The following SPTLC1 variants were observed in gnomAD, a reference collection of about 807,000 sequenced individuals.
The protein encoded by SPTLC1 is serine palmitoyltransferase long chain base subunit 1.
Under a neutral mutation model 68.9 loss-of-function variants are expected in SPTLC1, and 55 were observed. That is an observed-to-expected ratio of 0.80 (90% CI 0.64 to 1.00). The LOEUF is 1.00. Ranked by LOEUF, SPTLC1 falls within the 50% of genes least tolerant of loss-of-function variation. The pLI is 0.00. For synonymous variants in SPTLC1, 197 were observed against 201.6 expected, an observed-to-expected ratio of 0.98 and a Z score of 0.19; for missense variants, 449 against 573.1, an observed-to-expected ratio of 0.78 and a Z score of 2.21.
At chr9:92,070,008 G>C (rs1223091522) in intron 5 of SPTLC1, 1 of 152,176 alleles carries the variant, frequency 6.6e-6, no homozygotes, top group African/African-American at 2.4e-5. Context: ...GAGTTACCCA[G>C]TTGATGAAAA....
Position 92,068,015 on chromosome 9 carries a change from T to C in SPTLC1, c.511A>G (p.Ile171Val). 1 of 1,614,126 alleles carries C rather than the reference T, an allele frequency of 6.2e-7. No individual in the cohort carries two copies. Among genetic ancestry groups the C allele is most frequent in the Non-Finnish European group, 8.5e-7 (1 of 1,180,006 alleles). Residue 171 changes from isoleucine to valine, a missense_variant, in exon 6 of 15, where the codon ATA becomes GTA. By Grantham distance (29) the Ile-to-Val change is conservative (BLOSUM62 3). This residue lies in a region of SPTLC1 where 391 missense variants were observed against 472.1 expected (regional missense o/e 0.83). Coordinates refer to ENST00000262554, the MANE Select transcript of SPTLC1 (RefSeq NM_006415.4). ...GAGTAAGCAGGAATAGCACTGGCTA[T>C]GGTGGCAAATCCATATGAGTATATA... Reference protein sequence around the residue: ...AIIYSYGFATIASAIPAYSKR... With the variant: ...AIIYSYGFATVASAIPAYSKR...
chr9:92,079,393 A>G (rs1834798052), intron 5 of SPTLC1: 1 of 1,475,670 alleles, frequency 6.8e-7, no homozygotes, highest in Admixed American at 2.3e-5. Flanking sequence ...TTATTTAATA[A>G]CATTTTCAGG....
At chr9:92,034,715 C>T (rs1266490681) in intron 14 of SPTLC1, 95 bp downstream of exon 14, 3 of 938,390 alleles carry the variant, frequency 3.2e-6, no homozygotes, top group Admixed American at 1.7e-5. Context: ...CTTCCATAGC[C>T]TATGATAGTC....
chr9:92,071,318 TG>T (rs1834480734), intron 5 of SPTLC1, among the ~76,000 whole-genome samples: 1 of 151,862 alleles, frequency 6.6e-6, no homozygotes, highest in African/African-American at 2.4e-5. Flanking sequence ...GAGAATCGCC[TG>T]AACCCAGGAG....
At position 92,038,270 on chromosome 9, in the gene SPTLC1, A is replaced by T. The variant is rs753412688; in HGVS notation, c.1232T>A (p.Leu411Gln). 5.0e-6 allele frequency: 8 copies of T among 1,613,808 alleles called. No homozygotes were observed. The South Asian group carries it at 8.8e-5, about 18-fold the overall frequency. ...TACTTGATCTACAATTTCCTGAAGC[A>T]GTCTGACATCTTGCTCGCGAGACCC... Reference protein sequence around the residue: ...STGSREQDVRLLQEIVDQCMN... With the variant: ...STGSREQDVRQLQEIVDQCMN... Residue 411 changes from leucine to glutamine, a missense_variant, in exon 13 of 15, where the codon CTG (leucine) becomes CAG (glutamine). Physicochemically the swap from Leu to Gln is moderately radical, Grantham distance 113. Around this residue, in one of 3 missense-constraint regions of SPTLC1, gnomAD observed 391 missense variants for 472.1 expected, o/e 0.83. Coordinates refer to ENST00000262554, the MANE Select transcript of SPTLC1 (RefSeq NM_006415.4).
chr9:92,034,445 C>T (rs1833073001), intron 14 of SPTLC1, among the ~76,000 whole-genome samples: 2 of 152,168 alleles, frequency 1.3e-5, no homozygotes, highest in African/African-American at 2.4e-5. Flanking sequence ...CCCACCCCCA[C>T]CCCACACTGC....
intron 6 of SPTLC1, among the ~76,000 whole-genome samples, chr9:92,063,481 T>C (rs575077722): frequency 2.6e-5 from 4 of 152,208 alleles, no homozygotes; most frequent in Admixed American, 6.6e-5. Flanking sequence ...CTCCACAAAA[T>C]AGAAGATAGA....
rs564171664 is a variant in SPTLC1 at position 92,079,587 on chromosome 9, ACT to A, written c.427+427_427+428del. ...TCATTCTAGAAAGATAAAAAACTAC[ACT>A]GTTTATCCCCCCTCCCTCCACCCCA... is the stretch of plus-strand genomic sequence containing the variant. On this transcript the variant is annotated intron_variant, in intron 5 of 14. Coordinates refer to ENST00000262554, the MANE Select transcript of SPTLC1 (RefSeq NM_006415.4). The A allele has an allele frequency of 4.1e-4, 658 of 1,592,376 alleles. 5 individuals carry two copies. In the South Asian group the frequency reaches 7.0e-3, roughly 17 times the overall value.
intron 3 of SPTLC1, chr9:92,108,533 A>G (rs1435045854): frequency 1.6e-6 from 1 of 609,106 alleles, no homozygotes; most frequent in Middle Eastern, 5.0e-4. Flanking sequence ...AAGGGCAAAC[A>G]TTAATGCTTA....
rs1411908926 is a variant in SPTLC1 at position 92,032,246 on chromosome 9, A to T, written c.*219T>A. 4 of 1,508,706 alleles carry T rather than the reference A, an allele frequency of 2.7e-6. No homozygotes were observed. Among genetic ancestry groups the T allele is most frequent in the Non-Finnish European group, 2.6e-6 (3 of 1,132,730 alleles). 93.5% of individuals were successfully genotyped at this position (1,508,706 alleles called of 1,614,324 possible). A position where few individuals can be genotyped will look rare whatever the true frequency, so the allele number is the denominator to read the frequency against. On this transcript the variant is annotated 3_prime_UTR_variant, in exon 15 of 15. Transcript: ENST00000262554. The stretch of plus-strand genomic sequence containing the variant: ...ATACACTGTCATTAGTTTTCCTCTT[A>T]AAAAAATCAGTTCCTGGGCTTTTAG...
intron 5 of SPTLC1, 114 bp downstream of exon 5, chr9:92,079,902 A>T: frequency 4.5e-6 from 4 of 884,700 alleles, no homozygotes; most frequent in Non-Finnish European, 7.6e-6. Context: ...GAATCCTCCC[A>T]CCTCAGCCTC....
chr9:92,108,960 A>G (rs1836117155), intron 2 of SPTLC1, 126 bp from the exon 3 acceptor site: 1 of 1,419,986 alleles, frequency 7.0e-7, no homozygotes, highest in Non-Finnish European at 9.6e-7. Flanking sequence ...TGTCACTCTT[A>G]TTCAAGCTTA....
intron 5 of SPTLC1, among the ~76,000 whole-genome samples, chr9:92,071,025 C>T (rs546646926): frequency 2.0e-5 from 3 of 151,658 alleles, no homozygotes; most frequent in East Asian, 1.9e-4. Context: ...GACTTTAGGA[C>T]GTTTAGAAAC....
At chr9:92,034,343 T>C (rs1485251677) in intron 14 of SPTLC1, among the ~76,000 whole-genome samples, 5 of 152,242 alleles carry the variant, frequency 3.3e-5, no homozygotes, top group Admixed American at 1.3e-4. Context: ...TTTTGGTGTT[T>C]TTTCTTGATG....
intron 6 of SPTLC1, among the ~76,000 whole-genome samples, chr9:92,064,595 A>G (rs1834217886): frequency 2.0e-5 from 3 of 152,252 alleles, no homozygotes; most frequent in Admixed American, 6.5e-5. Flanking sequence ...TAGCAACTGC[A>G]TTCCTTGGCA....
chr9:92,112,340 TA>T (rs1836278430), intron 2 of SPTLC1, 114 bp downstream of exon 2: 2 of 736,202 alleles, frequency 2.7e-6, no homozygotes, highest in Non-Finnish European at 4.7e-6. Context: ...TTGATTTCCT[TA>T]CATTACAGAA....
intron 5 of SPTLC1, 96 bp from the exon 6 acceptor site, chr9:92,068,194 A>G: frequency 3.2e-6 from 4 of 1,254,140 alleles, no homozygotes; most frequent in East Asian, 2.5e-5. Context: ...ATAATTATCA[A>G]TACTTTCACC....
chr9:92,056,617 A>C (rs1229945317), intron 7 of SPTLC1, among the ~76,000 whole-genome samples: 1 of 152,206 alleles, frequency 6.6e-6, no homozygotes, highest in Non-Finnish European at 1.5e-5. Context: ...TACATGGTTC[A>C]GGTGTGTGGG....
In SPTLC1 at chr9:92,052,598, C is replaced by T. The variant is rs562168613; in HGVS notation, c.781-2531G>A. 5.9e-5 allele frequency among the ~76,000 whole-genome samples: 9 copies of T among 151,470 alleles called. No individual in the cohort carries two copies. In the South Asian group the frequency reaches 1.0e-3, roughly 18 times the overall value. ...AGGCTGGAGTGCACTGGCGTGATCT[C>T]GGCTCACTGCAACCTCCACATCCCA... On this transcript the variant is annotated intron_variant, in intron 8 of 14. Coordinates refer to ENST00000262554, the MANE Select transcript of SPTLC1 (RefSeq NM_006415.4).
Sources: allele counts gnomAD v4.1 joint callset (sites outside exome capture counted in the v4.1 genomes callset), GRCh38; gene constraint gnomAD v4.1.1; regional missense constraint gnomAD v4.1.1; transcripts MANE v1.5; gene names NCBI Gene and HGNC (gene_info 2026-07-23, HGNC 2026-07-21).